MYOF: variants seen among roughly 807,000 people sequenced by gnomAD.
The protein encoded by MYOF is myoferlin, also known as fer-1-like 3, myoferlin.
MYOF carries 244 observed loss-of-function variants against 284.2 expected under a neutral mutation model. The observed-to-expected ratio is 0.86, with a 90% CI of 0.77 to 0.95. The LOEUF is 0.95. MYOF is among the 40% of genes least tolerant of loss of function. The probability of loss-of-function intolerance (pLI) is 0.00; values close to 1 mark genes in which losing one functional copy is unlikely to be tolerated. For synonymous variants in MYOF, 904 were observed against 919.7 expected, an observed-to-expected ratio of 0.98 and a Z score of 0.31; for missense variants, 2,496 against 2,560.6, an observed-to-expected ratio of 0.97 and a Z score of 0.54.
intron 5 of MYOF, among the ~76,000 whole-genome samples, chr10:93,412,063 G>A (rs1364299595): frequency 6.6e-6 from 1 of 152,132 alleles, no homozygotes; most frequent in Non-Finnish European, 1.5e-5. Flanking sequence ...TGTCCTAGAA[G>A]GGACCTTAGA....
At chr10:93,337,605 G>T in intron 40 of MYOF, 1 of 495,548 alleles carries the variant, frequency 2.0e-6, no homozygotes, top group Non-Finnish European at 3.5e-6. Flanking sequence ...TGGCAGTCAC[G>T]TAACCATAAC....
chr10:93,458,729 C>G (rs1458767639), intron 1 of MYOF, among the ~76,000 whole-genome samples: 2 of 152,032 alleles, frequency 1.3e-5, no homozygotes, highest in Non-Finnish European at 2.9e-5. Flanking sequence ...GACTCAGTCT[C>G]AAAACAAAAA....
intron 3 of MYOF, among the ~76,000 whole-genome samples, chr10:93,436,009 C>A (rs1304583487): frequency 6.6e-6 from 1 of 151,206 alleles, no homozygotes; most frequent in Non-Finnish European, 1.5e-5. Flanking sequence ...TCGTGTTAGA[C>A]CATCTAGAAT....
chr10:93,379,126 G>A (rs10882227), intron 21 of MYOF, among the ~76,000 whole-genome samples: 64,564 of 151,790 alleles, frequency 0.43, 15,881 homozygotes, highest in East Asian at 0.86. Flanking sequence ...GATATCATAT[G>A]TATGCAGTTT....
Position 93,366,410 on chromosome 10 carries a change from A to G in MYOF, c.2735T>C (p.Ile912Thr). 1 of 1,613,302 alleles carries G rather than the reference A, an allele frequency of 6.2e-7. No homozygotes were observed. The highest frequency in any genetic ancestry group is 8.5e-7 in the Non-Finnish European group (1 of 1,179,862). ...PKGWEWEGEW[I>T]VDPERSLLTE... The stretch of plus-strand genomic sequence containing the variant: ...AACTTACCTTCTTTCAGGATCAACT[A>G]TCCACTCTCCTTCCCATTCCCAGCC... Residue 912 changes from isoleucine (I) to threonine (T), a missense_variant, in exon 26 of 54, where the codon ATA becomes ACA. Ile to Thr is a moderately conservative substitution (Grantham distance 89, BLOSUM62 -1). Transcript: ENST00000359263.
At chr10:93,313,592 C>T (rs947154190) in intron 50 of MYOF, among the ~76,000 whole-genome samples, 2 of 152,062 alleles carry the variant, frequency 1.3e-5, no homozygotes, top group Admixed American at 6.6e-5. Flanking sequence ...TGGGTAAAGA[C>T]AATAGGTGCT....
chr10:93,469,950 C>T (rs557689582), intron 1 of MYOF, among the ~76,000 whole-genome samples: 5 of 151,932 alleles, frequency 3.3e-5, no homozygotes, highest in East Asian at 1.9e-4. Context: ...AGGAGTAGGC[C>T]GGGCGCAGTG....
At chr10:93,430,908 C>T (rs548533159) in intron 4 of MYOF, among the ~76,000 whole-genome samples, 2 of 152,272 alleles carry the variant, frequency 1.3e-5, no homozygotes, top group Admixed American at 6.5e-5. Context: ...CCAGAAAAAT[C>T]TCAAAACCAG....
chr10:93,306,969 AT>A lies in MYOF; in HGVS notation c.6179del (p.Asn2060MetfsTer16). The stretch of plus-strand genomic sequence containing the variant: ...AATGAAGCCTTTGCCTTTGTTACAC[AT>A]TTGGCTTTACAATCTTCATTGACAA... ...NYLSMKIVKP[N>X]V On this transcript the variant is annotated frameshift_variant, in exon 54 of 54. Transcript: ENST00000359263. LOFTEE classifies it high-confidence loss of function. 1 of 1,613,212 alleles carries A rather than the reference AT, an allele frequency of 6.2e-7. No individual in the cohort carries two copies.
chr10:93,363,841 T>C, intron 27 of MYOF, 120 bp downstream of exon 27: 2 of 737,342 alleles, frequency 2.7e-6, no homozygotes, highest in Non-Finnish European at 4.5e-6. Flanking sequence ...TGGAAGACTC[T>C]TCAGAACATA....
intron 3 of MYOF, among the ~76,000 whole-genome samples, chr10:93,448,805 G>A (rs879732424): frequency 3.9e-5 from 6 of 152,194 alleles, no homozygotes; most frequent in Non-Finnish European, 7.3e-5. Flanking sequence ...GACCAGCCTG[G>A]CCAACATAGT....
At chr10:93,442,659 G>A (rs1336528299) in intron 3 of MYOF, among the ~76,000 whole-genome samples, 1 of 152,170 alleles carries the variant, frequency 6.6e-6, no homozygotes, top group Non-Finnish European at 1.5e-5. Flanking sequence ...TATATATAAT[G>A]GTGGTTTTGC....
intron 1 of MYOF, among the ~76,000 whole-genome samples, chr10:93,469,411 A>G (rs2057087148): frequency 6.6e-6 from 1 of 151,532 alleles, no homozygotes; most frequent in South Asian, 2.1e-4. Flanking sequence ...TGAAGAAAAA[A>G]AAAAAAGATT....
At chr10:93,472,627 A>G (rs2057174161) in intron 1 of MYOF, among the ~76,000 whole-genome samples, 2 of 152,266 alleles carry the variant, frequency 1.3e-5, no homozygotes, top group Middle Eastern at 3.4e-3. Context: ...TGACAGAGCA[A>G]CACTCCATCT....
At chr10:93,427,328 T>C (rs1433291696) in intron 4 of MYOF, among the ~76,000 whole-genome samples, 6 of 151,788 alleles carry the variant, frequency 4.0e-5, no homozygotes, top group African/African-American at 1.4e-4. Flanking sequence ...GTCAGGAGTT[T>C]GAGACCAGCT....
At chr10:93,341,774 C>A (rs1843929180) in intron 38 of MYOF, 1 of 438,816 alleles carries the variant, frequency 2.3e-6, no homozygotes, top group South Asian at 2.3e-5. Flanking sequence ...TTCTTTTAGG[C>A]TTAAAACAAT....
chr10:93,356,545 A>C (rs1164816099), intron 30 of MYOF, 130 bp downstream of exon 30: 3 of 982,384 alleles, frequency 3.1e-6, no homozygotes, highest in Non-Finnish European at 4.5e-6. Flanking sequence ...CTTTCCCTCA[A>C]CCTGTTAATA....
chr10:93,387,962 A>C (rs770042268), intron 18 of MYOF, 49 bp from the exon 19 acceptor site: 2 of 1,444,626 alleles, frequency 1.4e-6, no homozygotes, highest in East Asian at 4.5e-5. Flanking sequence ...AACAGCAAAA[A>C]GAATTCTGTG....
intron 48 of MYOF, among the ~76,000 whole-genome samples, chr10:93,321,609 C>T (rs531374739): frequency 6.6e-6 from 1 of 152,142 alleles, no homozygotes; most frequent in Admixed American, 6.5e-5. Flanking sequence ...ATTCTCTTGG[C>T]CATGACCTTG....
Sources: gnomAD v4.1 joint callset for allele counts (sites outside exome capture counted in the v4.1 genomes callset) on GRCh38, gnomAD v4.1.1 for gene constraint, MANE v1.5 for transcripts, NCBI Gene and HGNC (gene_info 2026-07-23, HGNC 2026-07-21) for gene names.